NUP93: variants seen among roughly 807,000 people sequenced by gnomAD.
NUP93 encodes nuclear pore complex protein Nup93.
Under a neutral mutation model 107.8 loss-of-function variants are expected in NUP93, and 55 were observed. The observed-to-expected ratio is 0.51, with a 90% confidence interval of 0.41 to 0.64. The LOEUF (loss-of-function observed/expected upper bound fraction) is 0.64, where lower values mean the gene tolerates loss of function less well. Ranked by LOEUF, NUP93 falls within the 30% of genes least tolerant of loss-of-function variation. The pLI, the probability that NUP93 is intolerant of heterozygous loss-of-function variation, is 0.00. For missense variants in NUP93, 937 were observed against 1,044.7 expected, an observed-to-expected ratio of 0.90 and a Z score of 1.42; for synonymous variants, 390 against 397.5, an observed-to-expected ratio of 0.98 and a Z score of 0.22.
At chr16:56,745,022 C>T (rs1423381117) in intron 1 of NUP93, among the ~76,000 whole-genome samples, 3 of 152,140 alleles carry the variant, frequency 2.0e-5, no homozygotes, top group Admixed American at 6.5e-5. Flanking sequence ...AGCTTGGGTA[C>T]GTCAGTGAAC....
chr16:56,793,542 T>A (rs28514610), intron 3 of NUP93, among the ~76,000 whole-genome samples: 1 of 151,750 alleles, frequency 6.6e-6, no homozygotes, highest in Non-Finnish European at 1.5e-5. Context: ...ATAAGCTATA[T>A]GAGTACATCT....
Position 56,823,825 on chromosome 16 carries a change from C to A in NUP93, c.773C>A (p.Ala258Asp). Residue 258 changes from alanine to aspartate, a missense_variant, in exon 8 of 22, where the codon GCC becomes GAC. Ala to Asp is a moderately radical substitution (Grantham distance 126). Coordinates refer to ENST00000308159, the MANE Select transcript of NUP93 (RefSeq NM_014669.5). Reference sequence around the variant, plus strand: ...GTGCGCATGGAGTTTGTCAGGCAGGCCTTGGCGTACCTTGAGCAGAGGTAA... The same window carrying A: ...GTGCGCATGGAGTTTGTCAGGCAGGACTTGGCGTACCTTGAGCAGAGGTAA... ...VEVRMEFVRQ[A>D]LAYLEQSYKN... The A allele has an allele frequency of 1.9e-6, 3 of 1,613,986 alleles. No individual in the cohort carries two copies. Among genetic ancestry groups the A allele is most frequent in the Non-Finnish European group, 1.7e-6 (2 of 1,180,006 alleles).
At chr16:56,745,849 T>C (rs1404272822) in intron 1 of NUP93, among the ~76,000 whole-genome samples, 1 of 152,210 alleles carries the variant, frequency 6.6e-6, no homozygotes, top group Admixed American at 6.5e-5. Context: ...AAAAAATCTT[T>C]ATTAGACCAT....
intron 3 of NUP93, among the ~76,000 whole-genome samples, chr16:56,774,211 G>A (rs1224301366): frequency 6.6e-6 from 1 of 152,164 alleles, no homozygotes; most frequent in African/African-American, 2.4e-5. Context: ...TGTTGCTTCT[G>A]CAAATGTTAA....
intron 3 of NUP93, among the ~76,000 whole-genome samples, chr16:56,772,948 C>T (rs1962349424): frequency 6.6e-6 from 1 of 152,174 alleles, no homozygotes; most frequent in South Asian, 2.1e-4. Context: ...GAGAGAGGAT[C>T]TGAAGGTTAA....
chr16:56,803,840 G>A (rs1963075014), intron 4 of NUP93, among the ~76,000 whole-genome samples: 1 of 152,086 alleles, frequency 6.6e-6, no homozygotes, highest in African/African-American at 2.4e-5. Flanking sequence ...TACAGTCACA[G>A]CTCACTGCAA....
At chr16:56,743,912 C>T (rs963241311) in intron 1 of NUP93, among the ~76,000 whole-genome samples, 2 of 152,088 alleles carry the variant, frequency 1.3e-5, no homozygotes, top group Admixed American at 6.6e-5. Flanking sequence ...AATTTGTTGC[C>T]CAAGGCCCTG....
At chr16:56,818,580 A>C (rs1456816924) in intron 5 of NUP93, 84 bp from the exon 6 acceptor site, 1 of 1,096,372 alleles carries the variant, frequency 9.1e-7, no homozygotes, top group East Asian at 2.4e-5. Context: ...TGTTAAAGAC[A>C]AGAATATGTT....
chr16:56,750,658 TA>T (rs1484148999), intron 2 of NUP93, among the ~76,000 whole-genome samples: 1 of 152,174 alleles, frequency 6.6e-6, no homozygotes, highest in African/African-American at 2.4e-5. Context: ...CATACAGCCT[TA>T]AAGTTTTATT....
At chr16:56,750,716 A>G (rs1961903033) in intron 2 of NUP93, among the ~76,000 whole-genome samples, 1 of 152,216 alleles carries the variant, frequency 6.6e-6, no homozygotes, top group African/African-American at 2.4e-5. Flanking sequence ...CTTTTGTGCT[A>G]CAGTATGAGA....
intron 3 of NUP93, among the ~76,000 whole-genome samples, chr16:56,796,929 G>A (rs1048866226): frequency 1.8e-4 from 27 of 151,750 alleles, no homozygotes; most frequent in African/African-American, 4.8e-4. Flanking sequence ...CCGAGATGGC[G>A]CCACTGCACT....
chr16:56,769,221 G>T (rs1962274985), intron 3 of NUP93, among the ~76,000 whole-genome samples: 1 of 152,210 alleles, frequency 6.6e-6, no homozygotes, highest in Non-Finnish European at 1.5e-5. Flanking sequence ...GTTAGTGAAA[G>T]TATAAAATAG....
chr16:56,815,006 G>A (rs1015815054), intron 5 of NUP93, among the ~76,000 whole-genome samples: 9 of 152,194 alleles, frequency 5.9e-5, no homozygotes, highest in African/African-American at 9.6e-5. Context: ...GGGAAATAGC[G>A]GCTTGGTCAA....
chr16:56,733,966 TTA>T (rs1244335726), intron 1 of NUP93, among the ~76,000 whole-genome samples: 1 of 152,200 alleles, frequency 6.6e-6, no homozygotes, highest in Non-Finnish European at 1.5e-5. Flanking sequence ...TACACCAAAG[TTA>T]TAGTCTTCTC....
At chr16:56,827,120 C>T (rs1350367573) in intron 8 of NUP93, among the ~76,000 whole-genome samples, 1 of 144,480 alleles carries the variant, frequency 6.9e-6, no homozygotes, top group Non-Finnish European at 1.5e-5. Flanking sequence ...TTTACTCTCT[C>T]TGTTGTTTTA....
At chr16:56,823,395 C>T (rs1025008601) in intron 7 of NUP93, among the ~76,000 whole-genome samples, 2 of 152,226 alleles carry the variant, frequency 1.3e-5, no homozygotes, top group Non-Finnish European at 2.9e-5. Context: ...GGATAACCCA[C>T]TGAGATTCAG....
intron 18 of NUP93, among the ~76,000 whole-genome samples, chr16:56,838,212 G>A (rs1351007111): frequency 3.3e-5 from 5 of 152,124 alleles, no homozygotes; most frequent in South Asian, 2.1e-4. Flanking sequence ...TACTTTTTGC[G>A]CTCTCTGTAG....
In NUP93 at chr16:56,841,386, G is replaced by A. The variant is rs550803029; in HGVS notation, c.2221-319G>A. On this transcript the variant is annotated intron_variant, in intron 20 of 21. Coordinates refer to ENST00000308159, the MANE Select transcript of NUP93 (RefSeq NM_014669.5). ...TTCAAGTTCAAATTATTTAATGGCA[G>A]CCACTCTGCTGGCCAGTCTAAGCCT... Among the ~76,000 whole-genome samples the A allele has an allele frequency of 2.6e-5, 4 of 152,300 alleles. No individual in the cohort carries two copies. In the East Asian group the frequency reaches 7.7e-4, roughly 29 times the overall value.
chr16:56,777,374 G>T (rs1467984888), intron 3 of NUP93, among the ~76,000 whole-genome samples: 1 of 152,148 alleles, frequency 6.6e-6, no homozygotes, highest in Non-Finnish European at 1.5e-5. Context: ...GGGGCAGCAG[G>T]AACTTATTAG....
Sources: allele counts gnomAD v4.1 joint callset (sites outside exome capture counted in the v4.1 genomes callset), GRCh38; gene constraint gnomAD v4.1.1; transcripts MANE v1.5; gene names NCBI Gene and HGNC (gene_info 2026-07-23, HGNC 2026-07-21).